Variants in SPON1 observed in about 807,000 individuals in gnomAD.
The protein encoded by SPON1 is spondin 1.
SPON1 carries 52 observed loss-of-function variants against 111.7 expected under a neutral mutation model. The observed-to-expected ratio is 0.47, with a 90% CI of 0.37 to 0.59. The LOEUF (loss-of-function observed/expected upper bound fraction) is 0.59. Ranked by LOEUF, SPON1 falls within the 20% of genes least tolerant of loss-of-function variation. The probability of loss-of-function intolerance (pLI) is 0.00; values close to 1 mark genes in which losing one functional copy is unlikely to be tolerated. For synonymous variants in SPON1, 410 were observed against 395.8 expected, an observed-to-expected ratio of 1.04 and a Z score of -0.43; for missense variants, 957 against 1,068.5, an observed-to-expected ratio of 0.90 and a Z score of 1.46.
At chr11:14,023,720 T>C (rs1848496831) in intron 2 of SPON1, among the ~76,000 whole-genome samples, 1 of 152,106 alleles carries the variant, frequency 6.6e-6, no homozygotes, top group African/African-American at 2.4e-5. Flanking sequence ...GAAAAAAGAC[T>C]GGGCCAGGTG....
chr11:14,234,103 T>C lies in SPON1; in HGVS notation c.826-9229T>C, dbSNP rs570165354. 2.0e-5 allele frequency among the ~76,000 whole-genome samples: 3 copies of C among 152,180 alleles called. No homozygotes were observed. The South Asian group carries it at 6.2e-4, about 32-fold the overall frequency. On this transcript the variant is annotated intron_variant, in intron 6 of 15. Coordinates refer to ENST00000576479, the MANE Select transcript of SPON1 (RefSeq NM_006108.4). ...GACTACAGGATGTGTTCCCATGGGG[T>C]AGGGTTAGGGGTGCTGAAAGGGGCA...
At chr11:14,163,812 A>T (rs1554931640) in intron 6 of SPON1, among the ~76,000 whole-genome samples, 1 of 151,994 alleles carries the variant, frequency 6.6e-6, no homozygotes, top group Admixed American at 6.6e-5. Context: ...CTCCATATTG[A>T]TTCCTGAGAG....
rs144929933 is a variant in SPON1, at chr11:14,002,306, C to G, written c.345+19353C>G. Among the ~76,000 whole-genome samples, 47 of 152,164 alleles carry G rather than the reference C, an allele frequency of 3.1e-4. No homozygotes were observed. In the East Asian group the frequency reaches 6.3e-3, roughly 20 times the overall value. The stretch of plus-strand genomic sequence containing the variant: ...CTCTCTGGGCCCCAAGTCAGAGAAT[C>G]TGATTCTGTGCACCTAAGGGGGTGA... On this transcript the variant is annotated intron_variant, in intron 2 of 15. Transcript: ENST00000576479.
chr11:14,212,214 G>A (rs1848584179), intron 6 of SPON1, among the ~76,000 whole-genome samples: 1 of 151,600 alleles, frequency 6.6e-6, no homozygotes, highest in African/African-American at 2.4e-5. Flanking sequence ...GTGCTTTGAT[G>A]CAGTCAGCAT....
chr11:14,090,648 G>A (rs912031335), intron 5 of SPON1, among the ~76,000 whole-genome samples: 5 of 152,046 alleles, frequency 3.3e-5, no homozygotes, highest in Non-Finnish European at 5.9e-5. Flanking sequence ...CTGGGCTCAG[G>A]AGTGAAGCTG....
intron 6 of SPON1, among the ~76,000 whole-genome samples, chr11:14,174,642 T>A (rs1363456741): frequency 1.3e-5 from 2 of 150,836 alleles, no homozygotes; most frequent in African/African-American, 4.9e-5. Flanking sequence ...CCTGTGTGCA[T>A]TAAGTGTGGC....
chr11:14,169,361 TA>T (rs1848069677), intron 6 of SPON1, among the ~76,000 whole-genome samples: 1 of 152,148 alleles, frequency 6.6e-6, no homozygotes, highest in Non-Finnish European at 1.5e-5. Flanking sequence ...TTTTTTCTTG[TA>T]AATTTGTTTG....
In SPON1 at chr11:14,090,823, G is replaced by GCCACC. The variant is rs1360339677; in HGVS notation, c.676+10802_676+10803insCCACC. On this transcript the variant is annotated intron_variant, in intron 5 of 15. Transcript: ENST00000576479. ...GCAGCCTGCTTTTATTCTCTTATCT[G>GCCACC]GCCCCCCCCCCCCCCCCCCCCGCCC... Among the ~76,000 whole-genome samples the GCCACC allele has an allele frequency of 6.7e-4, 18 of 27,056 alleles. 2 individuals are homozygous for GCCACC. Among genetic ancestry groups the GCCACC allele is most frequent in the East Asian group, 0.016 (1 of 62 alleles). 17.7% of individuals were successfully genotyped at this position (27,056 alleles called of 152,430 possible).
In SPON1 at chr11:14,103,457, C is replaced by T. The variant is rs529487380; in HGVS notation, c.676+23436C>T. 3.9e-5 allele frequency among the ~76,000 whole-genome samples: 6 copies of T among 152,286 alleles called. 1 individual carries two copies. The highest frequency in any genetic ancestry group is 3.9e-4 in the Admixed American group (6 of 15,284). On this transcript the variant is annotated intron_variant, in intron 5 of 15. Coordinates refer to ENST00000576479, the MANE Select transcript of SPON1 (RefSeq NM_006108.4). ...TTGCAGGACAGGCAAGGACCCAGAC[C>T]CTCCCTTGGTGATGTCAAGGAGGGG...
chr11:14,083,704 T>C (rs1554922279), intron 5 of SPON1, among the ~76,000 whole-genome samples: 1 of 152,204 alleles, frequency 6.6e-6, no homozygotes, highest in Non-Finnish European at 1.5e-5. Flanking sequence ...ATCAGAAAAG[T>C]ATTTAATATT....
chr11:13,963,090 C>T lies in SPON1; in HGVS notation c.186C>T (p.Ser62=), dbSNP rs1554907686. The change falls in exon 1 of 16, where the codon AGC becomes AGT. Residue 62 remains serine, a synonymous_variant. Transcript: ENST00000576479. ...GTRREGYTEF[S]LRVEGDPDFY... ...GGCGCGAGGGCTACACCGAGTTCAGCCTCCGCGTGGAGGGCGACCCCGACT... is the reference window on the plus strand; with the variant it reads ...GGCGCGAGGGCTACACCGAGTTCAGTCTCCGCGTGGAGGGCGACCCCGACT... 6.4e-7 allele frequency: 1 copy of T among 1,556,790 alleles called. No individual in the cohort carries two copies. Among genetic ancestry groups the T allele is most frequent in the Non-Finnish European group, 8.7e-7 (1 of 1,153,502 alleles).
intron 6 of SPON1, chr11:14,224,825 C>T (rs1848720150): frequency 5.2e-6 from 2 of 385,354 alleles, no homozygotes; most frequent in Admixed American, 5.5e-5. Context: ...CAAAATTGGG[C>T]TTTACCCCTA....
At chr11:14,045,931 A>T (rs1297474347) in intron 3 of SPON1, among the ~76,000 whole-genome samples, 1 of 152,130 alleles carries the variant, frequency 6.6e-6, no homozygotes, top group African/African-American at 2.4e-5. Context: ...TAATTTTCCT[A>T]TGCCTAAGGC....
intron 6 of SPON1, among the ~76,000 whole-genome samples, chr11:14,148,843 T>C (rs1847755198): frequency 6.6e-6 from 1 of 152,230 alleles, no homozygotes; most frequent in Admixed American, 6.5e-5. Context: ...GACTTTTCAA[T>C]GAATACTTGC....
chr11:14,000,107 T>A lies in SPON1; in HGVS notation c.345+17154T>A, dbSNP rs139285758. Among the ~76,000 whole-genome samples the A allele has an allele frequency of 6.3e-3, 953 of 152,296 alleles. 7 individuals are homozygous for A. The highest frequency in any genetic ancestry group is 0.028 in the South Asian group (135 of 4,830). On this transcript the variant is annotated intron_variant, in intron 2 of 15. Coordinates refer to ENST00000576479, the MANE Select transcript of SPON1 (RefSeq NM_006108.4). ...TTCCAAGGTTTTTCTATGTTAGACA[T>A]CTTTTATCCGCCATGGTTGATCACT... is the stretch of plus-strand genomic sequence containing the variant.
chr11:14,048,266 T>C (rs988281233), intron 3 of SPON1, among the ~76,000 whole-genome samples: 3 of 150,764 alleles, frequency 2.0e-5, no homozygotes, highest in African/African-American at 7.3e-5. Context: ...TTAGTAAGGA[T>C]ACTTAAATCT....
intron 1 of SPON1, among the ~76,000 whole-genome samples, chr11:13,981,773 G>T (rs1321165109): frequency 6.6e-6 from 1 of 152,192 alleles, no homozygotes. Flanking sequence ...GGATGTTTCT[G>T]GTCAGTAGGT....
intron 2 of SPON1, among the ~76,000 whole-genome samples, chr11:13,990,489 G>C (rs2133786538): frequency 7.1e-6 from 1 of 141,844 alleles, no homozygotes; most frequent in East Asian, 2.3e-4. Context: ...TGGGTCTCCT[G>C]AATACAGCAC....
At chr11:14,132,331 T>G (rs1847537944) in intron 5 of SPON1, among the ~76,000 whole-genome samples, 1 of 152,040 alleles carries the variant, frequency 6.6e-6, no homozygotes, top group Non-Finnish European at 1.5e-5. Context: ...TGTAGGAAAC[T>G]AACAGCTGTA....
Sources: gnomAD v4.1 joint callset for allele counts (sites outside exome capture counted in the v4.1 genomes callset) on GRCh38, gnomAD v4.1.1 for gene constraint, MANE v1.5 for transcripts, NCBI Gene and HGNC (gene_info 2026-07-23, HGNC 2026-07-21) for gene names.